Variants in APLF observed in about 807,000 individuals in gnomAD.
APLF encodes the protein aprataxin and PNKP like factor.
A neutral mutation model predicts 55.6 loss-of-function variants in APLF; 61 were observed. The observed-to-expected ratio is 1.10, with a 90% CI of 0.89 to 1.36. The LOEUF (loss-of-function observed/expected upper bound fraction) is 1.36, where lower values mean the gene tolerates loss of function less well. Among genes scored for constraint, APLF ranks in the 40% most tolerant of loss-of-function variants. The pLI is 0.00. For synonymous variants in APLF, 207 were observed against 214.8 expected (o/e 0.96, Z 0.32); for missense variants, 611 against 602.5 (o/e 1.01, Z -0.15).
At chr2:68,534,120 GGA>G (rs1206570641) in intron 6 of APLF, among the ~76,000 whole-genome samples, 1 of 152,170 alleles carries the variant, frequency 6.6e-6, no homozygotes, top group East Asian at 1.9e-4. Context: ...TTGGATCTGG[GGA>G]GAGAGGGCAA....
At position 68,513,120 on chromosome 2, in the gene APLF, A is replaced by T. The variant is rs367820439; in HGVS notation, c.382A>T (p.Thr128Ser). 3 of 1,610,944 alleles carry T rather than the reference A, an allele frequency of 1.9e-6. No homozygotes were observed. The highest frequency in any genetic ancestry group is 4.5e-5 in the East Asian group (2 of 44,796). The change falls in exon 4 of 10, where the codon ACA becomes TCA. Residue 128 changes from threonine to serine, a missense_variant. Transcript: ENST00000303795. The stretch of plus-strand genomic sequence containing the variant: ...TGATGAAGATAATATATTGAATGAA[A>T]CACCAAAATCCCCCGTGATTAATTT... ...VLDEDNILNE[T>S]PKSPVINLPH...
chr2:68,541,480 T>C (rs1303819983), intron 7 of APLF, among the ~76,000 whole-genome samples: 1 of 152,212 alleles, frequency 6.6e-6, no homozygotes, highest in East Asian at 1.9e-4. Flanking sequence ...CAAAAGGCAC[T>C]GCACAAAAGA....
intron 8 of APLF, among the ~76,000 whole-genome samples, chr2:68,558,026 A>G (rs980427385): frequency 7.2e-5 from 11 of 152,310 alleles, no homozygotes; most frequent in African/African-American, 2.6e-4. Context: ...AATTGTACAT[A>G]AGAATATGAT....
At chr2:68,514,591 C>G (rs548585897) in intron 5 of APLF, among the ~76,000 whole-genome samples, 29 of 151,802 alleles carry the variant, frequency 1.9e-4, no homozygotes, top group African/African-American at 7.0e-4. Context: ...AGGAGTCAGC[C>G]AAGAATTTGG....
chr2:68,575,213 G>T (rs1671589473), intron 9 of APLF, among the ~76,000 whole-genome samples: 4 of 152,144 alleles, frequency 2.6e-5, no homozygotes, highest in African/African-American at 9.7e-5. Flanking sequence ...TTGGAGGAGG[G>T]AGCAAGCCAG....
intron 2 of APLF, among the ~76,000 whole-genome samples, chr2:68,492,207 G>A (rs898596289): frequency 2.0e-5 from 3 of 152,180 alleles, no homozygotes; most frequent in Non-Finnish European, 2.9e-5. Flanking sequence ...GGCTGGGCGC[G>A]GTGGCTCACG....
intron 9 of APLF, among the ~76,000 whole-genome samples, chr2:68,573,426 A>G (rs1216482140): frequency 2.0e-5 from 3 of 152,196 alleles, no homozygotes; most frequent in Non-Finnish European, 4.4e-5. Flanking sequence ...TAATCCTAGC[A>G]CTTTGGGGGG....
Position 68,579,419 on chromosome 2 carries a change from A to G in APLF, c.*1397A>G. 1.0e-6 allele frequency: 1 copy of G among 968,736 alleles called. No individual in the cohort carries two copies. Among genetic ancestry groups the G allele is most frequent in the Non-Finnish European group, 1.2e-6 (1 of 814,826 alleles). 60.0% of individuals were successfully genotyped at this position (968,736 alleles called of 1,614,324 possible). Reference sequence around the variant, plus strand: ...TCCCTGCCACTAACTTAATCCTTGAAGTGTTACATAATCTACTCCTAGGTA... The same window carrying G: ...TCCCTGCCACTAACTTAATCCTTGAGGTGTTACATAATCTACTCCTAGGTA... On this transcript the variant is annotated 3_prime_UTR_variant, in exon 10 of 10. Coordinates refer to ENST00000303795, the MANE Select transcript of APLF (RefSeq NM_173545.3).
At chr2:68,569,821 T>C (rs1181298957) in intron 9 of APLF, among the ~76,000 whole-genome samples, 2 of 152,080 alleles carry the variant, frequency 1.3e-5, no homozygotes, top group Admixed American at 1.3e-4. Flanking sequence ...ATGAGGTAAA[T>C]GAAGTCAGGA....
intron 1 of APLF, among the ~76,000 whole-genome samples, chr2:68,481,423 A>G (rs902155251): frequency 4.6e-5 from 7 of 152,132 alleles, no homozygotes; most frequent in African/African-American, 1.4e-4. Context: ...AGCACTAAAC[A>G]TATCATGCCA....
At chr2:68,490,609 A>G (rs571914170) in intron 2 of APLF, among the ~76,000 whole-genome samples, 98 of 152,286 alleles carry the variant, frequency 6.4e-4, no homozygotes, top group Middle Eastern at 3.4e-3. Context: ...AGTAACTTAA[A>G]TGTTATAGGG....
chr2:68,552,366 T>C (rs989970574), intron 8 of APLF, among the ~76,000 whole-genome samples: 1 of 152,104 alleles, frequency 6.6e-6, no homozygotes, highest in African/African-American at 2.4e-5. Context: ...AGCTCTTTCT[T>C]TGAATAGTTT....
chr2:68,505,346 T>C (rs1425643346), intron 3 of APLF, among the ~76,000 whole-genome samples: 3 of 152,100 alleles, frequency 2.0e-5, no homozygotes, highest in African/African-American at 4.8e-5. Context: ...TGATAACTTA[T>C]TTAAGCTATT....
At chr2:68,488,861 T>C (rs1037232145) in intron 1 of APLF, among the ~76,000 whole-genome samples, 2 of 152,120 alleles carry the variant, frequency 1.3e-5, no homozygotes, top group African/African-American at 4.8e-5. Context: ...CAATCTGATA[T>C]ACCTAATGCT....
chr2:68,524,227 G>C (rs889383499), intron 5 of APLF, among the ~76,000 whole-genome samples: 7 of 152,114 alleles, frequency 4.6e-5, no homozygotes, highest in Admixed American at 2.0e-4. Context: ...AAAATGATAT[G>C]AACTATTTTC....
intron 5 of APLF, among the ~76,000 whole-genome samples, chr2:68,517,854 T>TATG (rs1158885296): frequency 6.9e-6 from 1 of 144,876 alleles, no homozygotes; most frequent in Non-Finnish European, 1.5e-5. Flanking sequence ...ATATCACTAA[T>TATG]ATGTGTTAAT....
chr2:68,521,443 A>AT lies in APLF; in HGVS notation c.623-4612dup, dbSNP rs371049519. Among the ~76,000 whole-genome samples, 623 of 151,908 alleles carry AT rather than the reference A, an allele frequency of 4.1e-3. 3 individuals carry two copies. Among genetic ancestry groups the AT allele is most frequent in the African/African-American group, 0.014 (593 of 41,500 alleles). The stretch of plus-strand genomic sequence containing the variant: ...AGTCAATATAGTTCTAATTTATTTT[A>AT]TTTTTTATGTCTCAGGTACTAGTTC... On this transcript the variant is annotated intron_variant, in intron 5 of 9. Transcript: ENST00000303795.
chr2:68,545,415 C>A, intron 8 of APLF, 103 bp downstream of exon 8: 2 of 1,357,816 alleles, frequency 1.5e-6, no homozygotes, highest in African/African-American at 1.4e-5. Context: ...TTTTAATTTT[C>A]ATTTTTAAAC....
At chr2:68,566,554 A>T (rs2104066720) in intron 8 of APLF, among the ~76,000 whole-genome samples, 1 of 152,254 alleles carries the variant, frequency 6.6e-6, no homozygotes, top group Middle Eastern at 3.4e-3. Context: ...GGTATATTCG[A>T]AAGTTGTCAC....
Sources: gnomAD v4.1 joint callset for allele counts (sites outside exome capture counted in the v4.1 genomes callset) on GRCh38, gnomAD v4.1.1 for gene constraint, MANE v1.5 for transcripts, NCBI Gene and HGNC (gene_info 2026-07-23, HGNC 2026-07-21) for gene names.